GABRG3: variants seen among roughly 807,000 people sequenced by gnomAD.
The protein encoded by GABRG3 is gamma-aminobutyric acid receptor subunit gamma-3.
Under a neutral mutation model 48.8 loss-of-function variants are expected in GABRG3, and 25 were observed. The ratio of observed to expected loss-of-function variants is 0.51; its 90% CI spans 0.37 to 0.72. The LOEUF is 0.72. Ranked by LOEUF, GABRG3 falls within the 30% of genes least tolerant of loss-of-function variation. The pLI is 0.00. For missense variants in GABRG3, 394 were observed against 577.9 expected, an observed-to-expected ratio of 0.68 and a Z score of 3.26; for synonymous variants, 227 against 217.6, an observed-to-expected ratio of 1.04 and a Z score of -0.38.
intron 2 of GABRG3, among the ~76,000 whole-genome samples, chr15:27,016,236 CT>C (rs921631918): frequency 1.2e-4 from 14 of 115,326 alleles, no homozygotes; most frequent in East Asian, 2.0e-4. Context: ...TTCTTTCTTT[CT>C]TTCTTTTTTT....
rs1887899166 is a variant in GABRG3 at position 27,180,610 on chromosome 15, A to C, written c.271-146199A>C. Among the ~76,000 whole-genome samples, 1 of 152,088 alleles carries C rather than the reference A, an allele frequency of 6.6e-6. No homozygotes were observed. Reference sequence around the variant, plus strand: ...TTACCCCAACTCAGATTCTGTTTCTAAGGTGAACTTACACATTGTGCCATG... The same window carrying C: ...TTACCCCAACTCAGATTCTGTTTCTCAGGTGAACTTACACATTGTGCCATG... On this transcript the variant is annotated intron_variant, in intron 3 of 9. Transcript: ENST00000615808. The surrounding 1 kb of genome is among the most constrained non-coding windows in gnomAD (Gnocchi z 4.2).
intron 6 of GABRG3, among the ~76,000 whole-genome samples, chr15:27,511,762 A>G (rs1179819024): frequency 3.3e-5 from 5 of 152,258 alleles, no homozygotes; most frequent in Non-Finnish European, 7.3e-5. Flanking sequence ...AGAGAGAAAC[A>G]GAGCAGGGAA....
At chr15:27,048,814 ACCAGGCC>A (rs1332621563) in intron 3 of GABRG3, among the ~76,000 whole-genome samples, 4 of 152,184 alleles carry the variant, frequency 2.6e-5, no homozygotes, top group Non-Finnish European at 4.4e-5. Flanking sequence ...AGTCCAAGGC[ACCAGGCC>A]CTGGTTCTCC....
chr15:27,220,365 G>A lies in GABRG3; in HGVS notation c.271-106444G>A, dbSNP rs528248946. Among the ~76,000 whole-genome samples the A allele has an allele frequency of 4.1e-4, 62 of 152,268 alleles. 1 individual carries two copies. The highest frequency in any genetic ancestry group is 3.2e-4 in the Non-Finnish European group (22 of 68,026). Reference sequence around the variant, plus strand: ...ATGTTAAGGGCTGACCTTAACATATGGTAGTTAGGATAAGGAACCCTGGTG... The same window carrying A: ...ATGTTAAGGGCTGACCTTAACATATAGTAGTTAGGATAAGGAACCCTGGTG... On this transcript the variant is annotated intron_variant, in intron 3 of 9. Coordinates refer to ENST00000615808, the MANE Select transcript of GABRG3 (RefSeq NM_033223.5).
At chr15:27,271,728 A>T (rs1286125889) in intron 3 of GABRG3, 1 of 431,520 alleles carries the variant, frequency 2.3e-6, no homozygotes, top group African/African-American at 2.0e-5. Flanking sequence ...TCCTGCACCA[A>T]GAGCCAATGC....
intron 3 of GABRG3, among the ~76,000 whole-genome samples, chr15:27,053,675 A>G (rs1016522716): frequency 2.6e-5 from 4 of 152,230 alleles, no homozygotes; most frequent in African/African-American, 7.2e-5. Flanking sequence ...ATGCACTTGT[A>G]TGTTCACTGC....
chr15:27,363,429 T>C (rs1025611576), intron 5 of GABRG3: 8 of 151,906 alleles, frequency 5.3e-5, no homozygotes, highest in Non-Finnish European at 7.4e-5. Flanking sequence ...AGATCAACAA[T>C]AGAAGTAGAG....
Position 26,971,530 on chromosome 15 carries a change from G to A in GABRG3, c.-6G>A. ...CCGGACCCTGCGCCCCGAGCTCCACGGCACCATGGCCCCGAAGCTGCTGCT... is the reference window on the plus strand; with the variant it reads ...CCGGACCCTGCGCCCCGAGCTCCACAGCACCATGGCCCCGAAGCTGCTGCT... On this transcript the variant is annotated 5_prime_UTR_variant, in exon 1 of 10. Coordinates refer to ENST00000615808, the MANE Select transcript of GABRG3 (RefSeq NM_033223.5). The A allele has an allele frequency of 6.6e-7, 1 of 1,525,022 alleles. No individual in the cohort carries two copies. Among genetic ancestry groups the A allele is most frequent in the South Asian group, 1.2e-5 (1 of 81,416 alleles). The allele number at this position is 1,525,022 out of a possible 1,614,324, so 94.5% of individuals were successfully genotyped here. A position where few individuals can be genotyped will look rare whatever the true frequency, so the allele number is the denominator to read the frequency against.
chr15:27,179,494 T>G lies in GABRG3; in HGVS notation c.271-147315T>G, dbSNP rs1887855573. Among the ~76,000 whole-genome samples the G allele has an allele frequency of 6.6e-6, 1 of 152,262 alleles. No homozygotes were observed. The highest frequency in any genetic ancestry group is 1.5e-5 in the Non-Finnish European group (1 of 68,054). ...TTGTGATACAATTTCGCTGGCTTTA[T>G]GCTTGGTCTGGCTCTGAGAAATTTA... On this transcript the variant is annotated intron_variant, in intron 3 of 9. Coordinates refer to ENST00000615808, the MANE Select transcript of GABRG3 (RefSeq NM_033223.5). This position sits in a 1 kb window ranked among gnomAD's most constrained non-coding sequence, Gnocchi z 4.0.
intron 3 of GABRG3, chr15:27,157,664 A>G (rs561433251): frequency 3.1e-4 from 47 of 152,300 alleles, no homozygotes; most frequent in African/African-American, 9.9e-4. Flanking sequence ...CTCCTTACCT[A>G]TACACTGAGG....
intron 3 of GABRG3, among the ~76,000 whole-genome samples, chr15:27,109,891 A>C (rs1897515584): frequency 6.8e-6 from 1 of 147,204 alleles, no homozygotes; most frequent in Non-Finnish European, 1.5e-5. Flanking sequence ...CCAGTAAATA[A>C]ATAAATAAAA....
chr15:27,040,564 CAATT>C (rs1463013495), intron 3 of GABRG3, among the ~76,000 whole-genome samples: 4 of 152,182 alleles, frequency 2.6e-5, no homozygotes, highest in Non-Finnish European at 5.9e-5. Context: ...TTCCTACCAA[CAATT>C]AATTTTGCCA....
chr15:26,994,952 C>T (rs1439507620), intron 2 of GABRG3, among the ~76,000 whole-genome samples: 1 of 151,992 alleles, frequency 6.6e-6, no homozygotes, highest in Non-Finnish European at 1.5e-5. Flanking sequence ...ATGGAGTGTT[C>T]TATAGAAGTC....
chr15:27,247,493 C>A (rs942200904), intron 3 of GABRG3, among the ~76,000 whole-genome samples: 3 of 152,110 alleles, frequency 2.0e-5, no homozygotes, highest in Non-Finnish European at 4.4e-5. Context: ...TGCAGAACAC[C>A]CCTGAATGGC....
intron 3 of GABRG3, among the ~76,000 whole-genome samples, chr15:27,279,612 A>G (rs1324283679): frequency 6.6e-6 from 1 of 152,098 alleles, no homozygotes; most frequent in African/African-American, 2.4e-5. Context: ...ACTCTGTTTT[A>G]TTGATCGATG....
At chr15:26,996,368 G>A (rs879509101) in intron 2 of GABRG3, among the ~76,000 whole-genome samples, 5 of 151,896 alleles carry the variant, frequency 3.3e-5, no homozygotes, top group Non-Finnish European at 5.9e-5. Context: ...TTCAGAGATA[G>A]TCTTTTTATA....
chr15:27,461,892 G>C (rs774555307), intron 5 of GABRG3, among the ~76,000 whole-genome samples: 4 of 152,132 alleles, frequency 2.6e-5, no homozygotes, highest in Non-Finnish European at 5.9e-5. Flanking sequence ...TGGATGTTTC[G>C]ATACATGTGT....
At chr15:27,254,783 A>C (rs1366675728) in intron 3 of GABRG3, among the ~76,000 whole-genome samples, 1 of 152,162 alleles carries the variant, frequency 6.6e-6, no homozygotes, top group Non-Finnish European at 1.5e-5. Flanking sequence ...ACAAACACCC[A>C]GGTCATAGCA....
intron 5 of GABRG3, among the ~76,000 whole-genome samples, chr15:27,471,708 T>C (rs778695291): frequency 3.6e-4 from 55 of 152,328 alleles, no homozygotes; most frequent in Non-Finnish European, 6.8e-4. Flanking sequence ...TGGATCCAAA[T>C]TGATTTTTTC....
Sources: gnomAD v4.1 joint callset for allele counts (sites outside exome capture counted in the v4.1 genomes callset) on GRCh38, gnomAD v4.1.1 for gene constraint, Gnocchi (gnomAD v3.1) non-coding constraint, MANE v1.5 for transcripts, NCBI Gene and HGNC (gene_info 2026-07-23, HGNC 2026-07-21) for gene names.